CCBE1: variants seen among roughly 807,000 people sequenced by gnomAD.
The protein encoded by CCBE1 is collagen and calcium binding EGF domains 1.
Under a neutral mutation model 50.0 loss-of-function variants are expected in CCBE1, and 37 were observed. The ratio of observed to expected loss-of-function variants is 0.74; its 90% CI spans 0.57 to 0.97. CCBE1 has a LOEUF of 0.97. Ranked by LOEUF, CCBE1 falls within the 50% of genes least tolerant of loss-of-function variation. CCBE1 has a pLI of 0.00. For synonymous variants in CCBE1, 234 were observed against 203.7 expected, an observed-to-expected ratio of 1.15 and a Z score of -1.27; for missense variants, 538 against 523.8, an observed-to-expected ratio of 1.03 and a Z score of -0.26.
intron 10 of CCBE1, 94 bp from the exon 11 acceptor site, chr18:59,436,235 T>G: frequency 1.8e-6 from 2 of 1,084,122 alleles, no homozygotes; most frequent in East Asian, 2.4e-5. Flanking sequence ...GGCAACTACT[T>G]TCTCAATAAC....
At chr18:59,600,182 T>C (rs2053411465) in intron 2 of CCBE1, among the ~76,000 whole-genome samples, 1 of 152,202 alleles carries the variant, frequency 6.6e-6, no homozygotes, top group Non-Finnish European at 1.5e-5. Context: ...TGAGCATTTC[T>C]ACCTGTGCTC....
rs541303153 is a variant in CCBE1, at chr18:59,609,845, A to T, written c.212+86784T>A. Reference sequence around the variant, plus strand: ...CAAGTAATGACCCAGTTATTTCAAGATGATTGGGTAAGTACCAGGGATAAT... The same window carrying T: ...CAAGTAATGACCCAGTTATTTCAAGTTGATTGGGTAAGTACCAGGGATAAT... On this transcript the variant is annotated intron_variant, in intron 2 of 10. Transcript: ENST00000439986. Among the ~76,000 whole-genome samples, 127 of 152,218 alleles carry T rather than the reference A, an allele frequency of 8.3e-4. 1 individual carries two copies. Among genetic ancestry groups the T allele is most frequent in the Non-Finnish European group, 1.5e-3 (104 of 68,040 alleles).
chr18:59,433,844 G>C lies in CCBE1; in HGVS notation c.*2064C>G, dbSNP rs1373663261. The C allele has an allele frequency of 7.2e-6, 1 of 138,282 alleles. No individual in the cohort carries two copies. Among genetic ancestry groups the C allele is most frequent in the African/African-American group, 2.8e-5 (1 of 36,208 alleles). The allele number at this position is 138,282 out of a possible 1,614,324, so 8.6% of individuals were successfully genotyped here. ...CCTGACCTCGTGATCCGCCCGCCTC[G>C]GCCTCCCAAAGTGCTGGGATTACAG... On this transcript the variant is annotated 3_prime_UTR_variant, in exon 11 of 11. Transcript: ENST00000439986.
Position 59,601,006 on chromosome 18 carries a change from G to A in CCBE1, c.212+95623C>T, listed in dbSNP as rs569313021. 8.1e-5 allele frequency among the ~76,000 whole-genome samples: 7 copies of A among 86,626 alleles called. No individual in the cohort carries two copies. In the South Asian group the frequency reaches 3.3e-3, roughly 40 times the overall value. 56.8% of individuals were successfully genotyped at this position (86,626 alleles called of 152,430 possible). ...TAGGGATCTATTTTATTAGCTATGT[G>A]TCAGTTTTTTTTTTTTTTTTTTTTT... On this transcript the variant is annotated intron_variant, in intron 2 of 10. Coordinates refer to ENST00000439986, the MANE Select transcript of CCBE1 (RefSeq NM_133459.4).
intron 2 of CCBE1, among the ~76,000 whole-genome samples, chr18:59,492,763 A>T (rs188016456): frequency 6.6e-6 from 1 of 152,350 alleles, no homozygotes; most frequent in Admixed American, 6.5e-5. Context: ...TGACAGAAGG[A>T]AATGGAAGAA....
At chr18:59,573,890 C>T (rs2144492608) in intron 2 of CCBE1, among the ~76,000 whole-genome samples, 1 of 152,286 alleles carries the variant, frequency 6.6e-6, no homozygotes, top group South Asian at 2.1e-4. Flanking sequence ...ATCTCAAGGA[C>T]AGGAAATGTC....
chr18:59,443,330 C>A (rs1382307512), intron 7 of CCBE1, among the ~76,000 whole-genome samples: 1 of 152,176 alleles, frequency 6.6e-6, no homozygotes, highest in East Asian at 1.9e-4. Flanking sequence ...GTCTGTGGGG[C>A]AGCACCTGGG....
chr18:59,635,128 G>A (rs948818924), intron 2 of CCBE1, among the ~76,000 whole-genome samples: 3 of 152,142 alleles, frequency 2.0e-5, no homozygotes, highest in Non-Finnish European at 4.4e-5. Flanking sequence ...GCAGAGAAGA[G>A]ATTGATTACT....
At chr18:59,651,323 A>G (rs2054125336) in intron 2 of CCBE1, among the ~76,000 whole-genome samples, 1 of 152,198 alleles carries the variant, frequency 6.6e-6, no homozygotes, top group South Asian at 2.1e-4. Flanking sequence ...GGCATTGGAA[A>G]ATGAGCGTCC....
At chr18:59,676,482 C>T (rs1414196134) in intron 2 of CCBE1, among the ~76,000 whole-genome samples, 1 of 152,124 alleles carries the variant, frequency 6.6e-6, no homozygotes, top group Non-Finnish European at 1.5e-5. Context: ...TTATATATAA[C>T]TGCCTTATAT....
intron 2 of CCBE1, among the ~76,000 whole-genome samples, chr18:59,663,053 A>G (rs1429579): frequency 0.41 from 63,013 of 152,028 alleles, 14,332 homozygotes; most frequent in African/African-American, 0.61. Flanking sequence ...TCAACAAATT[A>G]CTTTAACAAA....
At chr18:59,445,204 T>G (rs1017101829) in intron 7 of CCBE1, among the ~76,000 whole-genome samples, 6 of 152,212 alleles carry the variant, frequency 3.9e-5, no homozygotes, top group African/African-American at 1.4e-4. Flanking sequence ...CCATTTTGAG[T>G]TAATTTTTGC....
intron 2 of CCBE1, among the ~76,000 whole-genome samples, chr18:59,655,516 T>C (rs1343199983): frequency 4.6e-5 from 7 of 152,250 alleles, no homozygotes; most frequent in Admixed American, 2.0e-4. Context: ...CAGGTCCATA[T>C]GGAGATCCTT....
chr18:59,542,307 C>T (rs1915502419), intron 2 of CCBE1, among the ~76,000 whole-genome samples: 1 of 54,930 alleles, frequency 1.8e-5, no homozygotes, highest in Non-Finnish European at 4.0e-5. Flanking sequence ...TAAGGGGTAT[C>T]CAGACAGTAT....
chr18:59,696,227 C>G (rs986592354), intron 2 of CCBE1, among the ~76,000 whole-genome samples: 1 of 152,192 alleles, frequency 6.6e-6, no homozygotes, highest in Non-Finnish European at 1.5e-5. Context: ...AACAGAAGGT[C>G]AGAAGACAGA....
intron 2 of CCBE1, among the ~76,000 whole-genome samples, chr18:59,518,585 T>C (rs1438944742): frequency 6.6e-6 from 1 of 152,222 alleles, no homozygotes; most frequent in Non-Finnish European, 1.5e-5. Flanking sequence ...TTCTAATCAG[T>C]GGGCAGATCA....
intron 3 of CCBE1, among the ~76,000 whole-genome samples, chr18:59,472,194 T>C (rs1389571148): frequency 6.6e-6 from 1 of 152,194 alleles, no homozygotes; most frequent in Non-Finnish European, 1.5e-5. Flanking sequence ...CCAGTACCTC[T>C]TCCTCAGAGT....
chr18:59,625,374 T>C (rs373716923), intron 2 of CCBE1, among the ~76,000 whole-genome samples: 1 of 140,908 alleles, frequency 7.1e-6, no homozygotes, highest in Non-Finnish European at 1.5e-5. Flanking sequence ...GAGCTTGCAG[T>C]GAGCCAAGAT....
At chr18:59,697,434 G>A (rs929644529), upstream of CCBE1, 20 of 1,482,602 alleles carry the variant, frequency 1.3e-5, no homozygotes, top group Admixed American at 3.5e-4. Flanking sequence ...CCTCTTCCCG[G>A]CAGGGGGCGC....
Sources: allele counts gnomAD v4.1 joint callset (sites outside exome capture counted in the v4.1 genomes callset), GRCh38; gene constraint gnomAD v4.1.1; transcripts MANE v1.5; gene names NCBI Gene and HGNC (gene_info 2026-07-23, HGNC 2026-07-21).